The following PC variants were observed in gnomAD, a reference collection of about 807,000 sequenced individuals.
PC encodes the protein pyruvate carboxylase, mitochondrial.
PC carries 46 observed loss-of-function variants against 107.8 expected under a neutral mutation model. The ratio of observed to expected loss-of-function variants is 0.43; its 90% confidence interval spans 0.34 to 0.55. PC has a LOEUF of 0.55. Among genes scored for constraint, PC ranks in the 20% least tolerant of loss-of-function variants. PC has a pLI of 0.04. For synonymous variants in PC, 662 were observed against 684.7 expected, an observed-to-expected ratio of 0.97 and a Z score of 0.52; for missense variants, 1,241 against 1,643.1, an observed-to-expected ratio of 0.76 and a Z score of 4.23.
chr11:66,920,040 T>C (rs1948556613), intron 3 of PC, among the ~76,000 whole-genome samples: 1 of 152,118 alleles, frequency 6.6e-6, no homozygotes, highest in Non-Finnish European at 1.5e-5. Flanking sequence ...AATGAATAAA[T>C]GAATGAACGG....
At position 66,852,888 on chromosome 11, in the gene PC, G is replaced by A. The variant is rs370432206; in HGVS notation, c.1514-52C>T. ...GGGTGGGCTGGGCAGAGGCTGAGTC[G>A]AGGGCAGCAGTGAGAGTGGCTGGGC... is the stretch of plus-strand genomic sequence containing the variant. On this transcript the variant is annotated intron_variant, in intron 13 of 22. Transcript: ENST00000393960. This position sits in a 1 kb window ranked among gnomAD's most constrained non-coding sequence, Gnocchi z 4.7. 4.0e-5 allele frequency: 53 copies of A among 1,330,316 alleles called. No individual in the cohort carries two copies. The highest frequency in any genetic ancestry group is 1.9e-4 in the East Asian group (8 of 42,978). The allele number at this position is 1,330,316 out of a possible 1,614,324, so 82.4% of individuals were successfully genotyped here. A position where few individuals can be genotyped will look rare whatever the true frequency, so the allele number is the denominator to read the frequency against.
Position 66,858,010 on chromosome 11 carries a change from C to T in PC, c.1369-4627G>A. 1 of 1,612,328 alleles carries T rather than the reference C, an allele frequency of 6.2e-7. No individual in the cohort carries two copies. Among genetic ancestry groups the T allele is most frequent in the East Asian group, 2.2e-5 (1 of 44,868 alleles). On this transcript the variant is annotated intron_variant, in intron 12 of 22. Transcript: ENST00000393960. The surrounding 1 kb of genome is among the most constrained non-coding windows in gnomAD (Gnocchi z 5.9). ...CGCAATGCCATCACCCGCATTGGGG[C>T]CCGCGCCTTTGGGGACCTCGAGAGC...
chr11:66,849,639 T>C lies in PC; in HGVS notation c.3119A>G (p.Gln1040Arg), dbSNP rs371757142. ...AAACTCCTCTGCGATCTTGGGTCCC[T>C]GCAGGAAGAGGCGAGTATTCAGGCT... is the stretch of plus-strand genomic sequence containing the variant. ...LDSLNTRLFL[Q>R]GPKIAEEFEV... The change falls in exon 21 of 23, where the codon CAG (glutamine) becomes CGG (arginine). Residue 1040 changes from glutamine (Q) to arginine (R), a missense_variant. Physicochemically the swap from Gln to Arg is conservative, Grantham distance 43. Coordinates refer to ENST00000393960, the MANE Select transcript of PC (RefSeq NM_001040716.2). The C allele has an allele frequency of 6.2e-7, 1 of 1,614,038 alleles. No individual in the cohort carries two copies. The highest frequency in any genetic ancestry group is 1.3e-5 in the African/African-American group (1 of 74,926).
At chr11:66,928,300 T>C (rs1270278743) in intron 3 of PC, among the ~76,000 whole-genome samples, 2 of 151,550 alleles carry the variant, frequency 1.3e-5, no homozygotes, top group African/African-American at 4.9e-5. Flanking sequence ...GGCAGAAGAA[T>C]TGCTTGAGCC....
Position 66,870,732 on chromosome 11 carries a change from TC to T in PC, c.751+42del, listed in dbSNP as rs1422127408. 1 of 1,554,606 alleles carries T rather than the reference TC, an allele frequency of 6.4e-7. No individual in the cohort carries two copies. Among genetic ancestry groups the T allele is most frequent in the Non-Finnish European group, 8.8e-7 (1 of 1,132,700 alleles). ...CGGCACCAGGACTGGGCCTCTCAGC[TC>T]CCGCCTCCAGCTGCCCCAGGCGGGG... is the stretch of plus-strand genomic sequence containing the variant. On this transcript the variant is annotated intron_variant, in intron 8 of 22. Transcript: ENST00000393960. This position sits in a 1 kb window ranked among gnomAD's most constrained non-coding sequence, Gnocchi z 6.1.
intron 3 of PC, among the ~76,000 whole-genome samples, chr11:66,881,176 G>T (rs1184023857): frequency 7.2e-5 from 11 of 152,206 alleles, no homozygotes; most frequent in Non-Finnish European, 1.6e-4. Flanking sequence ...ATCACCCAAA[G>T]ATCCTTCACC....
intron 12 of PC, chr11:66,860,262 C>T: frequency 6.5e-7 from 1 of 1,534,480 alleles, no homozygotes; most frequent in Non-Finnish European, 8.7e-7. Context: ...GGGGCCGCCG[C>T]CTGGCCTGGG....
At chr11:66,907,453 G>T (rs1591266352) in intron 3 of PC, among the ~76,000 whole-genome samples, 1 of 152,120 alleles carries the variant, frequency 6.6e-6, no homozygotes, top group Non-Finnish European at 1.5e-5. Flanking sequence ...CTTGAACCCG[G>T]GAGGCAGGGG....
At chr11:66,883,555 G>A (rs1361733323) in intron 3 of PC, among the ~76,000 whole-genome samples, 2 of 152,248 alleles carry the variant, frequency 1.3e-5, no homozygotes, top group East Asian at 1.9e-4. Flanking sequence ...TGAGGTCTCC[G>A]TGGCGTCTGT....
At chr11:66,850,181 C>T in intron 19 of PC, 39 bp downstream of exon 19, 1 of 1,613,754 alleles carries the variant, frequency 6.2e-7, no homozygotes, top group Non-Finnish European at 8.5e-7. Context: ...CAGGTGCATG[C>T]AGGGCTGGGT....
chr11:66,894,426 AT>A (rs1370297754), intron 3 of PC, among the ~76,000 whole-genome samples: 1 of 152,154 alleles, frequency 6.6e-6, no homozygotes, highest in Non-Finnish European at 1.5e-5. Flanking sequence ...TATGCATCTA[AT>A]TTTTCTCCCT....
Position 66,858,391 on chromosome 11 carries a change from G to C in PC, c.1369-5008C>G. 1 of 1,566,836 alleles carries C rather than the reference G, an allele frequency of 6.4e-7. No individual in the cohort carries two copies. The highest frequency in any genetic ancestry group is 8.6e-7 in the Non-Finnish European group (1 of 1,161,490). ...CTGGCTCCGGACCCGCTTTTCTCTC[G>C]TGGGCGTGATGCAGAGGCCTCTCCC... On this transcript the variant is annotated intron_variant, in intron 12 of 22. Transcript: ENST00000393960. This position sits in a 1 kb window ranked among gnomAD's most constrained non-coding sequence, Gnocchi z 5.9.
At chr11:66,937,262 A>G (rs1028444713) in intron 3 of PC, among the ~76,000 whole-genome samples, 1 of 152,202 alleles carries the variant, frequency 6.6e-6, no homozygotes, top group African/African-American at 2.4e-5. Context: ...AAGTCCAATA[A>G]TTACAGTTGA....
intron 3 of PC, among the ~76,000 whole-genome samples, chr11:66,889,015 T>C (rs916034449): frequency 2.0e-5 from 3 of 152,030 alleles, no homozygotes; most frequent in African/African-American, 7.2e-5. Flanking sequence ...CGGAGGTTGC[T>C]GTGAGCCGAG....
At chr11:66,916,450 AGCAGATCTGGCTTATAG>A (rs773141244) in intron 3 of PC, among the ~76,000 whole-genome samples, 24 of 152,124 alleles carry the variant, frequency 1.6e-4, no homozygotes, top group South Asian at 4.1e-4. Context: ...TCACCGTCTA[AGCAGATCTGGCTTATAG>A]GCAGCAAATT....
Position 66,852,081 on chromosome 11 carries a change from T to C in PC, c.1826-135A>G. ...TCATCTTCGCCATACCTGTGTTCCC[T>C]GCTCCAACCCCCACAGATTTTTCCC... On this transcript the variant is annotated intron_variant, in intron 15 of 22. Coordinates refer to ENST00000393960, the MANE Select transcript of PC (RefSeq NM_001040716.2). This position sits in a 1 kb window ranked among gnomAD's most constrained non-coding sequence, Gnocchi z 4.7. The C allele has an allele frequency of 1.1e-6, 1 of 895,058 alleles. No homozygotes were observed. The highest frequency in any genetic ancestry group is 1.8e-6 in the Non-Finnish European group (1 of 570,200). 55.4% of individuals were successfully genotyped at this position (895,058 alleles called of 1,614,324 possible).
chr11:66,941,265 C>T lies in PC; in HGVS notation c.-1+11165G>A, dbSNP rs185231307. ...TTAATGGAAATGTAAAATGCTGTAG[C>T]TGATGTGGAAAATAGCATAGCAGGC... On this transcript the variant is annotated intron_variant, in intron 3 of 22. Coordinates refer to ENST00000393960, the MANE Select transcript of PC (RefSeq NM_001040716.2). Among the ~76,000 whole-genome samples, 3 of 152,134 alleles carry T rather than the reference C, an allele frequency of 2.0e-5. No homozygotes were observed. The East Asian group carries it at 5.8e-4, about 29-fold the overall frequency.
In PC at chr11:66,870,806, C is replaced by T. The variant is rs549056241; in HGVS notation, c.720G>A (p.Glu240=). The T allele has an allele frequency of 4.3e-6, 7 of 1,613,558 alleles. No individual in the cohort carries two copies. The South Asian group carries it at 7.7e-5, about 18-fold the overall frequency. Residue 240 remains glutamate (E), a synonymous_variant, in exon 8 of 23, where the codon GAG becomes GAA. Transcript: ENST00000393960. This position sits in a 1 kb window ranked among gnomAD's most constrained non-coding sequence, Gnocchi z 6.1. ...NGALFVEKFI[E]KPRHIEVQIL... ...TCTGCACCTCGATGTGCCGTGGCTT[C>T]TCGATGAACTTCTCCACAAACAGCG...
chr11:66,958,125 A>T (rs990847860), intron 1 of PC, 197 bp downstream of exon 1: 2 of 151,410 alleles, frequency 1.3e-5, no homozygotes, highest in African/African-American at 4.8e-5. Flanking sequence ...CGCGAGGGGG[A>T]GGGGCGCCGT....
Sources: gnomAD v4.1 joint callset for allele counts (sites outside exome capture counted in the v4.1 genomes callset) on GRCh38, gnomAD v4.1.1 for gene constraint, Gnocchi (gnomAD v3.1) non-coding constraint, MANE v1.5 for transcripts, NCBI Gene and HGNC (gene_info 2026-07-23, HGNC 2026-07-21) for gene names.